The following DIP2C variants were observed in gnomAD, a reference collection of about 807,000 sequenced individuals.
DIP2C encodes the protein disco-interacting protein 2 homolog C.
Under a neutral mutation model 192.4 loss-of-function variants are expected in DIP2C, and 33 were observed. The observed-to-expected ratio is 0.17, with a 90% CI of 0.13 to 0.23. The LOEUF is 0.23. DIP2C is among the 10% of genes least tolerant of loss of function. The pLI is 1.00. For synonymous variants in DIP2C, 979 were observed against 864.1 expected (o/e 1.13, Z -2.33); for missense variants, 1,537 against 2,110.1 (o/e 0.73, Z 5.32).
intron 1 of DIP2C, among the ~76,000 whole-genome samples, chr10:660,848 G>A (rs148879443): frequency 6.2e-4 from 95 of 152,252 alleles, no homozygotes; most frequent in African/African-American, 2.1e-3. Context: ...AAGCGTGGCC[G>A]AGAGCTCCTA....
rs753850349 is a variant in DIP2C at position 583,344 on chromosome 10, A to C, written c.86-96814T>G. ...TAGCTAGTTGGGAACATTTTTTTAA[A>C]AAGTTTATATGGAATGAATTATCCC... On this transcript the variant is annotated intron_variant, in intron 1 of 36. Coordinates refer to ENST00000280886, the MANE Select transcript of DIP2C (RefSeq NM_014974.3). Among the ~76,000 whole-genome samples, 75 of 152,334 alleles carry C rather than the reference A, an allele frequency of 4.9e-4. 1 individual carries two copies. The highest frequency in any genetic ancestry group is 1.7e-3 in the African/African-American group (72 of 41,572).
chr10:689,590 G>A lies in DIP2C; in HGVS notation c.-12C>T. On this transcript the variant is annotated 5_prime_UTR_variant, in exon 1 of 37. Coordinates refer to ENST00000280886, the MANE Select transcript of DIP2C (RefSeq NM_014974.3). The surrounding 1 kb of genome is among the most constrained non-coding windows in gnomAD (Gnocchi z 6.1). ...CTGCGGTCCGCCATGCTCCGCGGGC[G>A]CCGCGCCCCGCACGGCCTCCTCTTT... 3 of 1,147,426 alleles carry A rather than the reference G, an allele frequency of 2.6e-6. No individual in the cohort carries two copies. Among genetic ancestry groups the A allele is most frequent in the Non-Finnish European group, 3.2e-6 (3 of 930,806 alleles). 71.1% of individuals were successfully genotyped at this position (1,147,426 alleles called of 1,614,324 possible). A position where few individuals can be genotyped will look rare whatever the true frequency, so the allele number is the denominator to read the frequency against.
In DIP2C at chr10:363,100, T is replaced by C. The variant is rs183711544; in HGVS notation, c.2592+97A>G. 3.5e-4 allele frequency: 388 copies of C among 1,099,798 alleles called. 5 individuals carry two copies. The highest frequency in any genetic ancestry group is 2.6e-3 in the South Asian group (180 of 68,178). 68.1% of individuals were successfully genotyped at this position (1,099,798 alleles called of 1,614,324 possible). On this transcript the variant is annotated intron_variant, in intron 21 of 36. Transcript: ENST00000280886. This position sits in a 1 kb window ranked among gnomAD's most constrained non-coding sequence, Gnocchi z 5.4. ...AGGGAAGGGAAAAAGGGCCACCCCA[T>C]GGGCAAAGCAACAGCTGGTCACACC...
At chr10:615,415 CTGGCTT>C in intron 1 of DIP2C, among the ~76,000 whole-genome samples, 2 of 152,248 alleles carry the variant, frequency 1.3e-5, no homozygotes, top group African/African-American at 4.8e-5. Flanking sequence ...ACTATGAGGT[CTGGCTT>C]CCTCAGGGAC....
chr10:384,998 CG>C (rs949351897), intron 14 of DIP2C, among the ~76,000 whole-genome samples: 2 of 148,764 alleles, frequency 1.3e-5, no homozygotes, highest in African/African-American at 5.0e-5. Context: ...TGCAAGGGCC[CG>C]GAAGAGCAGC....
intron 1 of DIP2C, among the ~76,000 whole-genome samples, chr10:515,787 C>G (rs1846313376): frequency 6.6e-6 from 1 of 152,060 alleles, no homozygotes; most frequent in Non-Finnish European, 1.5e-5. Context: ...CCCCACCCAA[C>G]CCAAGCAATC....
chr10:384,995 G>A (rs1411452207), intron 14 of DIP2C, among the ~76,000 whole-genome samples: 1 of 150,830 alleles, frequency 6.6e-6, no homozygotes, highest in Non-Finnish European at 1.5e-5. Flanking sequence ...GGCTGCAAGG[G>A]CCCGGAAGAG....
At chr10:340,218 G>A (rs7074875) in intron 29 of DIP2C, among the ~76,000 whole-genome samples, 145,239 of 152,010 alleles carry the variant, frequency 0.96, 69,708 homozygotes, top group East Asian at 1. Flanking sequence ...TAAATTTTGA[G>A]AAAATCATAA....
At chr10:579,636 C>G (rs1850453113) in intron 1 of DIP2C, among the ~76,000 whole-genome samples, 1 of 152,012 alleles carries the variant, frequency 6.6e-6, no homozygotes, top group Non-Finnish European at 1.5e-5. Flanking sequence ...GTAACATGTA[C>G]ATGCATAGAG....
intron 1 of DIP2C, among the ~76,000 whole-genome samples, chr10:535,865 C>A (rs1264564589): frequency 6.6e-6 from 1 of 152,176 alleles, no homozygotes; most frequent in Non-Finnish European, 1.5e-5. Context: ...AGAATTAGGT[C>A]AAAATAATTA....
intron 18 of DIP2C, among the ~76,000 whole-genome samples, chr10:368,336 T>G (rs1960536037): frequency 1.3e-5 from 2 of 152,244 alleles, no homozygotes; most frequent in Non-Finnish European, 2.9e-5. Flanking sequence ...CAGAACCTTT[T>G]GAAGATTTCA....
chr10:424,696 C>T (rs12413815), intron 4 of DIP2C, among the ~76,000 whole-genome samples: 62 of 152,038 alleles, frequency 4.1e-4, no homozygotes, highest in African/African-American at 1.4e-3. Flanking sequence ...TACACAATTT[C>T]TATAAAAGTA....
chr10:319,411 G>GT (rs1360354047), intron 31 of DIP2C, among the ~76,000 whole-genome samples: 1 of 152,080 alleles, frequency 6.6e-6, no homozygotes, highest in African/African-American at 2.4e-5. Flanking sequence ...TTCTGTTTAT[G>GT]TTTTTTTCCT....
At chr10:481,751 T>C (rs899302544) in intron 2 of DIP2C, among the ~76,000 whole-genome samples, 4 of 152,220 alleles carry the variant, frequency 2.6e-5, no homozygotes, top group African/African-American at 9.6e-5. Flanking sequence ...CGGTGGCGTC[T>C]GCCCTCAGGG....
intron 29 of DIP2C, among the ~76,000 whole-genome samples, chr10:338,832 C>CA (rs1431730417): frequency 2.1e-5 from 3 of 142,684 alleles, no homozygotes; most frequent in Non-Finnish European, 4.5e-5. Flanking sequence ...ACGCCACCTG[C>CA]ACGCTGCACG....
chr10:283,685 G>A (rs563521557), intron 34 of DIP2C, among the ~76,000 whole-genome samples: 2 of 152,248 alleles, frequency 1.3e-5, no homozygotes, highest in African/African-American at 4.8e-5. Flanking sequence ...TCCCTATGGG[G>A]AACTGAATTA....
At chr10:541,971 G>T (rs779593340) in intron 1 of DIP2C, among the ~76,000 whole-genome samples, 1 of 152,156 alleles carries the variant, frequency 6.6e-6, no homozygotes, top group African/African-American at 2.4e-5. Context: ...CCTCTGGGCC[G>T]CGTGCCAGGA....
intron 18 of DIP2C, among the ~76,000 whole-genome samples, chr10:367,840 C>A (rs532429566): frequency 6.6e-6 from 1 of 152,394 alleles, no homozygotes; most frequent in South Asian, 2.1e-4. Context: ...CGTGAGAAAA[C>A]CCCGGAACCC....
intron 1 of DIP2C, among the ~76,000 whole-genome samples, chr10:578,526 T>C (rs999869882): frequency 1.3e-5 from 2 of 152,172 alleles, no homozygotes; most frequent in Admixed American, 6.5e-5. Flanking sequence ...AACACACACA[T>C]CAAGGAAGTG....
Sources: allele counts gnomAD v4.1 joint callset (sites outside exome capture counted in the v4.1 genomes callset), GRCh38; gene constraint gnomAD v4.1.1; non-coding constraint Gnocchi (gnomAD v3.1); transcripts MANE v1.5; gene names NCBI Gene and HGNC (gene_info 2026-07-23, HGNC 2026-07-21).